Variants in CWC22 observed in about 807,000 individuals in gnomAD.
CWC22 encodes pre-mRNA-splicing factor CWC22 homolog.
In CWC22, 53 loss-of-function variants were observed where a neutral mutation model predicts 117.2. The ratio of observed to expected loss-of-function variants is 0.45; its 90% CI spans 0.36 to 0.57. CWC22 has a LOEUF of 0.57. Ranked by LOEUF, CWC22 falls within the 20% of genes least tolerant of loss-of-function variation. CWC22 has a pLI of 0.00. For missense variants in CWC22, 980 were observed against 1,068.8 expected (o/e 0.92, Z 1.16); for synonymous variants, 360 against 355.6 (o/e 1.01, Z -0.14).
intron 1 of CWC22, among the ~76,000 whole-genome samples, chr2:179,995,203 C>T (rs1054304902): frequency 2.4e-4 from 36 of 152,186 alleles, no homozygotes; most frequent in African/African-American, 6.3e-4. Flanking sequence ...TTATTATGCC[C>T]ACAACTATGA....
intron 1 of CWC22, among the ~76,000 whole-genome samples, chr2:180,002,826 T>A (rs1462850309): frequency 6.6e-6 from 1 of 152,192 alleles, no homozygotes; most frequent in African/African-American, 2.4e-5. Flanking sequence ...AGACAGAGAA[T>A]TTGGGGATTC....
intron 13 of CWC22, among the ~76,000 whole-genome samples, chr2:179,961,707 G>C (rs1287851999): frequency 6.6e-6 from 1 of 151,872 alleles, no homozygotes; most frequent in East Asian, 1.9e-4. Flanking sequence ...AAGTATCAGG[G>C]AGAAAGCTAT....
intron 19 of CWC22, 97 bp downstream of exon 19, chr2:179,950,414 TA>T: frequency 1.3e-6 from 1 of 764,580 alleles, no homozygotes; most frequent in East Asian, 2.7e-5. Flanking sequence ...AACTGATCTC[TA>T]AGACAAATAA....
At chr2:179,965,837 A>C in intron 12 of CWC22, 41 bp downstream of exon 12, 1 of 1,301,952 alleles carries the variant, frequency 7.7e-7, no homozygotes, top group Non-Finnish European at 1.1e-6. Flanking sequence ...AATTAATTTT[A>C]GAGTATCTTA....
At chr2:179,999,585 G>A (rs1193992332) in intron 1 of CWC22, among the ~76,000 whole-genome samples, 9 of 152,218 alleles carry the variant, frequency 5.9e-5, no homozygotes, top group Admixed American at 3.9e-4. Context: ...TCAACTAATG[G>A]CTGAAATGCA....
intron 13 of CWC22, among the ~76,000 whole-genome samples, chr2:179,961,236 T>C (rs771447497): frequency 6.6e-6 from 1 of 152,042 alleles, no homozygotes; most frequent in African/African-American, 2.4e-5. Flanking sequence ...TAATTGTTTA[T>C]TGATTCAGAA....
chr2:179,986,904 C>A, intron 3 of CWC22, 99 bp from the exon 4 acceptor site: 1 of 576,654 alleles, frequency 1.7e-6, no homozygotes, highest in Non-Finnish European at 2.9e-6. Flanking sequence ...AACTCTATGA[C>A]TGAACAACAT....
At position 179,989,823 on chromosome 2, in the gene CWC22, T is replaced by C. The variant is rs540910257; in HGVS notation, c.28-1179A>G. Among the ~76,000 whole-genome samples the C allele has an allele frequency of 2.0e-5, 3 of 152,272 alleles. No individual in the cohort carries two copies. In the South Asian group the frequency reaches 6.2e-4, roughly 32 times the overall value. On this transcript the variant is annotated intron_variant, in intron 2 of 19. Coordinates refer to ENST00000410053, the MANE Select transcript of CWC22 (RefSeq NM_020943.3). ...GAATTAAAATAATTTTAATTAACCA[T>C]ACTGTAAAGAAAAATAGCATTTAAC...
intron 4 of CWC22, 95 bp from the exon 5 acceptor site, chr2:179,982,092 C>T (rs1687301224): frequency 1.5e-6 from 1 of 680,896 alleles, no homozygotes; most frequent in African/African-American, 1.8e-5. Context: ...TAAGTGGGTC[C>T]CACAAATTCA....
intron 3 of CWC22, 43 bp from the exon 4 acceptor site, chr2:179,986,848 T>G: frequency 9.2e-7 from 1 of 1,086,730 alleles, no homozygotes; most frequent in East Asian, 2.5e-5. Flanking sequence ...TAAAAACAAC[T>G]ATGTTATAAA....
chr2:179,950,750 C>T lies in CWC22; in HGVS notation c.1920-18G>A. 1 of 1,606,692 alleles carries T rather than the reference C, an allele frequency of 6.2e-7. No homozygotes were observed. The highest frequency in any genetic ancestry group is 2.2e-5 in the East Asian group (1 of 44,824). ...GTTCATCCCTAATTTAAAATATAAT[C>T]TGTTAGATTCTATTTCAAAGACAAT... On this transcript the variant is annotated intron_variant, in intron 18 of 19. Transcript: ENST00000410053.
intron 11 of CWC22, among the ~76,000 whole-genome samples, chr2:179,966,824 A>G (rs1214080453): frequency 1.3e-5 from 2 of 152,326 alleles, no homozygotes; most frequent in Non-Finnish European, 1.5e-5. Flanking sequence ...TTTTAATACA[A>G]AGTTCTGGGA....
intron 19 of CWC22, among the ~76,000 whole-genome samples, chr2:179,950,029 G>C (rs550893700): frequency 6.6e-6 from 1 of 152,268 alleles, no homozygotes; most frequent in South Asian, 2.1e-4. Flanking sequence ...AGGAAACACA[G>C]AGAACTTCTG....
chr2:179,988,524 T>A lies in CWC22; in HGVS notation c.95+53A>T, dbSNP rs896394983. 16 of 949,434 alleles carry A rather than the reference T, an allele frequency of 1.7e-5. No individual in the cohort carries two copies. The African/African-American group carries it at 2.5e-4, about 15-fold the overall frequency. The allele number at this position is 949,434 out of a possible 1,614,324, so 58.8% of individuals were successfully genotyped here. On this transcript the variant is annotated intron_variant, in intron 3 of 19. Coordinates refer to ENST00000410053, the MANE Select transcript of CWC22 (RefSeq NM_020943.3). The stretch of plus-strand genomic sequence containing the variant: ...GAAATCTAAGAGCTAAATTATTACA[T>A]AAACCTTACTATAAAAATTTACATT...
At chr2:179,973,144 C>T (rs765679932) in intron 8 of CWC22, 49 bp downstream of exon 8, 1 of 1,271,410 alleles carries the variant, frequency 7.9e-7, no homozygotes, top group African/African-American at 1.5e-5. Context: ...CATCAACCCT[C>T]TGGTCTAATG....
rs754023853 is a variant in CWC22 at position 179,954,989 on chromosome 2, T to A, written c.1504A>T (p.Thr502Ser). The change falls in exon 15 of 20, where the codon ACA becomes TCA. Residue 502 changes from threonine (T) to serine (S), a missense_variant. Around this residue, in one of 3 missense-constraint regions of CWC22, gnomAD observed 559 missense variants for 602.3 expected, o/e 0.93. Transcript: ENST00000410053. The part of the protein sequence containing the change: ...MILDCCAQQR[T>S]YEKFFGLLAG... Reference sequence around the variant, plus strand: ...AATAAGCCAAAAAATTTTTCGTATGTCCTCTGTTGGGCACAGCAATCAAGT... The same window carrying A: ...AATAAGCCAAAAAATTTTTCGTATGACCTCTGTTGGGCACAGCAATCAAGT... 2 of 1,602,082 alleles carry A rather than the reference T, an allele frequency of 1.2e-6. No individual in the cohort carries two copies. The highest frequency in any genetic ancestry group is 1.7e-6 in the Non-Finnish European group (2 of 1,173,748).
At chr2:179,979,347 T>C (rs914854055) in intron 5 of CWC22, among the ~76,000 whole-genome samples, 8 of 152,308 alleles carry the variant, frequency 5.3e-5, no homozygotes, top group Admixed American at 2.0e-4. Context: ...ATAATCCGTA[T>C]CATGAAATAC....
chr2:179,996,210 T>C (rs998981489), intron 1 of CWC22, among the ~76,000 whole-genome samples: 1 of 152,060 alleles, frequency 6.6e-6, no homozygotes, highest in Non-Finnish European at 1.5e-5. Flanking sequence ...TGTGGCCCAA[T>C]CTTAAGGAAA....
chr2:179,964,464 G>A (rs1049557051), intron 13 of CWC22, 83 bp downstream of exon 13: 11 of 682,426 alleles, frequency 1.6e-5, no homozygotes, highest in Middle Eastern at 2.5e-4. Flanking sequence ...TTTCTGTTAT[G>A]AGACCCTAAA....
Sources: gnomAD v4.1 joint callset for allele counts (sites outside exome capture counted in the v4.1 genomes callset) on GRCh38, gnomAD v4.1.1 for gene constraint, gnomAD v4.1.1 regional missense constraint, MANE v1.5 for transcripts, NCBI Gene and HGNC (gene_info 2026-07-23, HGNC 2026-07-21) for gene names.